The following PCDHA10 variants were observed in gnomAD, a reference collection of about 807,000 sequenced individuals.
PCDHA10 encodes the protein protocadherin alpha 10.
PCDHA10 carries 45 observed loss-of-function variants against 61.2 expected under a neutral mutation model. That is an observed-to-expected ratio of 0.74 (90% CI 0.58 to 0.94). The LOEUF is 0.94. PCDHA10 is among the 40% of genes least tolerant of loss of function. The probability of loss-of-function intolerance (pLI) is 0.00; values close to 1 mark genes in which losing one functional copy is unlikely to be tolerated. For synonymous variants in PCDHA10, 602 were observed against 548.8 expected, an observed-to-expected ratio of 1.10 and a Z score of -1.35; for missense variants, 1,278 against 1,236.2, an observed-to-expected ratio of 1.03 and a Z score of -0.51.
rs1554149238 is a variant in PCDHA10 at position 140,856,872 on chromosome 5, A to G, written c.824A>G (p.Glu275Gly). ...ASDSDEGINK[E>G]MMYSFSSLVP... ...GATTCGGATGAAGGAATAAACAAGGAAATGATGTATTCATTTAGCTCTTTG... is the reference window on the plus strand; with the variant it reads ...GATTCGGATGAAGGAATAAACAAGGGAATGATGTATTCATTTAGCTCTTTG... Residue 275 changes from glutamate (E) to glycine (G), a missense_variant, in exon 1 of 4, where the codon GAA becomes GGA. Transcript: ENST00000307360. 6.3e-7 allele frequency: 1 copy of G among 1,596,142 alleles called. No individual in the cohort carries two copies. Among genetic ancestry groups the G allele is most frequent in the South Asian group, 1.1e-5 (1 of 90,540 alleles).
At chr5:140,871,703 A>G (rs1202166124) in intron 1 of PCDHA10, 9 of 879,148 alleles carry the variant, frequency 1.0e-5, no homozygotes, top group African/African-American at 1.7e-5. Context: ...TTTAACCAAT[A>G]AATGTCCTAT....
Position 140,928,044 on chromosome 5 carries a change from T to C in PCDHA10, c.2389-50905T>C, listed in dbSNP as rs782342331. The C allele has an allele frequency of 4.6e-5, 75 of 1,614,078 alleles. 1 individual carries two copies. The highest frequency in any genetic ancestry group is 3.0e-4 in the Admixed American group (18 of 60,006). On this transcript the variant is annotated intron_variant, in intron 1 of 3. Transcript: ENST00000307360. The stretch of plus-strand genomic sequence containing the variant: ...TTTGTGGCATGTCTAGTGCAGGCCC[T>C]TTTCAGCTGACGGCTTCCTTTGACA...
At chr5:141,006,579 T>C (rs1208750821) in intron 3 of PCDHA10, among the ~76,000 whole-genome samples, 1 of 151,702 alleles carries the variant, frequency 6.6e-6, no homozygotes, top group Non-Finnish European at 1.5e-5. Context: ...GTGTGGAGGG[T>C]TGGAGAGAAG....
At chr5:140,993,459 TTCTCAC>T (rs2097559303) in intron 3 of PCDHA10, among the ~76,000 whole-genome samples, 1 of 83,038 alleles carries the variant, frequency 1.2e-5, no homozygotes, top group African/African-American at 4.6e-5. Context: ...CCTTCTTTCT[TTCTCAC>T]ACACACACAC....
chr5:140,875,452 C>CA, intron 1 of PCDHA10: 1 of 1,592,570 alleles, frequency 6.3e-7, no homozygotes, highest in Non-Finnish European at 8.6e-7. Context: ...TGTCCCAACT[C>CA]AGAGGCCCTC....
intron 1 of PCDHA10, among the ~76,000 whole-genome samples, chr5:140,938,125 A>T (rs1339364898): frequency 6.6e-6 from 1 of 152,120 alleles, no homozygotes; most frequent in Non-Finnish European, 1.5e-5. Context: ...TTTTTTAAAA[A>T]AATAGAGATA....
Position 140,857,796 on chromosome 5 carries a change from CG to C in PCDHA10, c.1750del (p.Val584TrpfsTer67). ...GCAGTCAGTGAGCTGGTGCTGCGGT[CG>C]GTGGTTGCGGGTCACGTGGTGGCTA... The part of the protein sequence containing the change: ...GGAVSELVLR[S>X]VVAGHVVAKV... On this transcript the variant is annotated frameshift_variant, in exon 1 of 4. Transcript: ENST00000307360. LOFTEE classifies it high-confidence loss of function. The C allele has an allele frequency of 6.3e-7, 1 of 1,597,494 alleles. No homozygotes were observed. The highest frequency in any genetic ancestry group is 8.6e-7 in the Non-Finnish European group (1 of 1,167,522).
At chr5:140,927,729 G>C (rs2084563367) in intron 1 of PCDHA10, 1 of 1,614,098 alleles carries the variant, frequency 6.2e-7, no homozygotes, top group South Asian at 1.1e-5. Context: ...CGCAAGCAGA[G>C]CTGCGACACC....
intron 1 of PCDHA10, chr5:140,930,529 C>T (rs1175564392): frequency 6.6e-6 from 1 of 152,500 alleles, no homozygotes; most frequent in African/African-American, 2.4e-5. Flanking sequence ...GGCCCTCAAA[C>T]TTCTTGAGTG....
At chr5:141,002,333 G>A (rs782123745) in intron 3 of PCDHA10, among the ~76,000 whole-genome samples, 15 of 152,314 alleles carry the variant, frequency 9.8e-5, no homozygotes, top group Non-Finnish European at 1.8e-4. Flanking sequence ...GGCTGCATCC[G>A]CACCCCTTCC....
At chr5:140,886,257 T>C (rs1391638514) in intron 1 of PCDHA10, among the ~76,000 whole-genome samples, 38 of 152,026 alleles carry the variant, frequency 2.5e-4, no homozygotes, top group Admixed American at 2.5e-3. Context: ...AGTATCTCTA[T>C]TTATAGATAA....
intron 3 of PCDHA10, among the ~76,000 whole-genome samples, chr5:141,003,251 C>T (rs1240561091): frequency 6.6e-6 from 1 of 152,176 alleles, no homozygotes; most frequent in Admixed American, 6.5e-5. Flanking sequence ...AAAAAGATTC[C>T]TGGGCAGTGC....
At chr5:140,927,602 T>G (rs2084408838) in intron 1 of PCDHA10, 1 of 1,614,104 alleles carries the variant, frequency 6.2e-7, no homozygotes, top group African/African-American at 1.3e-5. Context: ...GAGCGCTCCG[T>G]ATACCGCACC....
intron 1 of PCDHA10, chr5:140,882,266 A>G (rs1471101520): frequency 6.2e-7 from 1 of 1,610,426 alleles, no homozygotes; most frequent in South Asian, 1.1e-5. Flanking sequence ...TTTGGAGTGT[A>G]CCATGCTGTC....
At chr5:140,881,798 A>G (rs2153381417) in intron 1 of PCDHA10, among the ~76,000 whole-genome samples, 1 of 152,372 alleles carries the variant, frequency 6.6e-6, no homozygotes, top group South Asian at 2.1e-4. Context: ...TTGTCCCAAA[A>G]CGAGTGTCGA....
chr5:140,927,342 T>TGAC (rs1554204398), intron 1 of PCDHA10: 2 of 1,614,160 alleles, frequency 1.2e-6, no homozygotes, highest in Admixed American at 3.3e-5. Flanking sequence ...ATGCCCAAGA[T>TGAC]GACGACGAGG....
At chr5:140,922,430 A>G (rs574413053) in intron 1 of PCDHA10, among the ~76,000 whole-genome samples, 6 of 152,246 alleles carry the variant, frequency 3.9e-5, no homozygotes, top group Non-Finnish European at 7.3e-5. Context: ...GGCTGAGGGC[A>G]GAACTCTCTC....
intron 1 of PCDHA10, among the ~76,000 whole-genome samples, chr5:140,954,013 C>T (rs942687934): frequency 6.6e-6 from 1 of 152,172 alleles, no homozygotes; most frequent in African/African-American, 2.4e-5. Context: ...TCAGCTCCCA[C>T]ACATAGTGGG....
At position 140,878,341 on chromosome 5, in the gene PCDHA10, A is replaced by G. The variant is rs980108622; in HGVS notation, c.2388+19905A>G. Reference sequence around the variant, plus strand: ...TTCACATTATATTCCAGGTATTATCACAATAATATAAATGATATGTCTGAC... The same window carrying G: ...TTCACATTATATTCCAGGTATTATCGCAATAATATAAATGATATGTCTGAC... On this transcript the variant is annotated intron_variant, in intron 1 of 3. Coordinates refer to ENST00000307360, the MANE Select transcript of PCDHA10 (RefSeq NM_018901.4). Among the ~76,000 whole-genome samples the G allele has an allele frequency of 2.0e-5, 3 of 152,350 alleles. No homozygotes were observed. In the East Asian group the frequency reaches 5.8e-4, roughly 29 times the overall value.
Sources: gnomAD v4.1 joint callset for allele counts (sites outside exome capture counted in the v4.1 genomes callset) on GRCh38, gnomAD v4.1.1 for gene constraint, MANE v1.5 for transcripts, NCBI Gene and HGNC (gene_info 2026-07-23, HGNC 2026-07-21) for gene names.